CAST: variants seen among roughly 807,000 people sequenced by gnomAD.
CAST encodes MIR583 host.
In CAST, 76 loss-of-function variants were observed where a neutral mutation model predicts 119.6. The ratio of observed to expected loss-of-function variants is 0.64; its 90% CI spans 0.53 to 0.77. CAST has a LOEUF of 0.77. Ranked by LOEUF, CAST falls within the 30% of genes least tolerant of loss-of-function variation. CAST has a pLI of 0.00. For synonymous variants in CAST, 319 were observed against 331.6 expected (o/e 0.96, Z 0.41); for missense variants, 953 against 946.5 (o/e 1.01, Z -0.09).
chr5:96,508,628 G>A, the CAST span, among the ~76,000 whole-genome samples: 72 of 152,216 alleles, frequency 4.7e-4, no homozygotes, highest in Non-Finnish European at 9.3e-4. Context: ...AAGGCCCATA[G>A]ACAGTCTTAT....
At chr5:96,507,866 C>T in the CAST span, among the ~76,000 whole-genome samples, 2 of 151,972 alleles carry the variant, frequency 1.3e-5, no homozygotes, top group East Asian at 1.9e-4. Context: ...CATAGTTTAC[C>T]GTCAGTAGAA....
intron 1 of CAST, among the ~76,000 whole-genome samples, chr5:96,603,375 T>G (rs2150194515): frequency 6.6e-6 from 1 of 152,330 alleles, no homozygotes. Context: ...TCTTATAAGC[T>G]TTTTTCTATT....
At chr5:96,550,816 A>C (rs1048223534) in intron 1 of CAST, among the ~76,000 whole-genome samples, 1 of 152,240 alleles carries the variant, frequency 6.6e-6, no homozygotes, top group African/African-American at 2.4e-5. Context: ...AAAGGATATC[A>C]GTGATTGAAT....
the CAST span, among the ~76,000 whole-genome samples, chr5:96,195,851 G>A: frequency 1.3e-5 from 2 of 152,086 alleles, no homozygotes; most frequent in African/African-American, 2.4e-5. Flanking sequence ...GTTTAATATG[G>A]CATTAAATAC....
chr5:96,388,639 A>G, the CAST span, among the ~76,000 whole-genome samples: 1 of 152,192 alleles, frequency 6.6e-6, no homozygotes, highest in Admixed American at 6.5e-5. Context: ...ATTTATATGA[A>G]TGTTATAGCT....
the CAST span, among the ~76,000 whole-genome samples, chr5:96,025,378 T>C: frequency 6.6e-6 from 1 of 152,110 alleles, no homozygotes; most frequent in Non-Finnish European, 1.5e-5. Context: ...CTAATCTTAT[T>C]CATGAAAGCT....
At chr5:96,657,131 A>G (rs535173653), upstream of CAST, among the ~76,000 whole-genome samples, 5 of 152,358 alleles carry the variant, frequency 3.3e-5, no homozygotes, top group East Asian at 9.6e-4. Flanking sequence ...TTATAATCAA[A>G]CACCAAAGAG....
the CAST span, among the ~76,000 whole-genome samples, chr5:96,281,397 CTG>C: frequency 6.6e-6 from 1 of 152,152 alleles, no homozygotes; most frequent in African/African-American, 2.4e-5. Context: ...GGCAGTGTCT[CTG>C]TGTGTGGTGA....
the CAST span, among the ~76,000 whole-genome samples, chr5:96,146,033 G>A: frequency 6.6e-6 from 1 of 152,198 alleles, no homozygotes; most frequent in Non-Finnish European, 1.5e-5. Context: ...TACTGGCACA[G>A]CTTCACTTCT....
chr5:96,186,990 T>C, the CAST span, among the ~76,000 whole-genome samples: 1 of 152,162 alleles, frequency 6.6e-6, no homozygotes, highest in African/African-American at 2.4e-5. Context: ...GGGCTTCGTT[T>C]TGTTGGTAGG....
chr5:96,081,942 C>T, the CAST span, among the ~76,000 whole-genome samples: 3 of 152,192 alleles, frequency 2.0e-5, no homozygotes, highest in African/African-American at 7.2e-5. Flanking sequence ...GAGGCAGAGT[C>T]TCGCTCTGTC....
the CAST span, among the ~76,000 whole-genome samples, chr5:96,269,112 C>G: frequency 6.6e-6 from 1 of 152,116 alleles, no homozygotes. Context: ...AGCTCTTTCT[C>G]TCTCTTTTTT....
At chr5:96,287,039 T>C in the CAST span, among the ~76,000 whole-genome samples, 1 of 152,142 alleles carries the variant, frequency 6.6e-6, no homozygotes, top group African/African-American at 2.4e-5. Context: ...AAAACTCAAC[T>C]TTTTTTAAAT....
chr5:96,071,475 A>G, the CAST span, among the ~76,000 whole-genome samples: 1 of 151,996 alleles, frequency 6.6e-6, no homozygotes, highest in African/African-American at 2.4e-5. Context: ...ATTCCTAGGC[A>G]TCCTTCCTAC....
chr5:96,417,324 A>G, the CAST span, among the ~76,000 whole-genome samples: 2 of 152,222 alleles, frequency 1.3e-5, no homozygotes, highest in East Asian at 3.9e-4. Flanking sequence ...AGGACAATAT[A>G]ATTATCTTTA....
chr5:96,494,253 G>C, the CAST span, among the ~76,000 whole-genome samples: 3 of 152,070 alleles, frequency 2.0e-5, no homozygotes, highest in Non-Finnish European at 4.4e-5. Context: ...GGTAACTTGT[G>C]GTGGGTAGCT....
chr5:96,261,849 T>C, the CAST span, among the ~76,000 whole-genome samples: 7 of 152,294 alleles, frequency 4.6e-5, no homozygotes, highest in African/African-American at 1.7e-4. Context: ...GAAAGATAGG[T>C]TTTATCCAAA....
chr5:96,637,648 C>G (rs1747902674), intron 1 of CAST, among the ~76,000 whole-genome samples: 1 of 152,058 alleles, frequency 6.6e-6, no homozygotes, highest in African/African-American at 2.4e-5. Flanking sequence ...GGTAAAGATA[C>G]CTTCCCAGAA....
intron 25 of CAST, chr5:96,762,673 G>C: frequency 3.0e-6 from 1 of 329,742 alleles, no homozygotes; most frequent in Non-Finnish European, 5.5e-6. Flanking sequence ...CAAATTACTA[G>C]ATTTGAAAAG....
Sources: gnomAD v4.1 joint callset for allele counts (sites outside exome capture counted in the v4.1 genomes callset) on GRCh38, gnomAD v4.1.1 for gene constraint, MANE v1.5 for transcripts, NCBI Gene and HGNC (gene_info 2026-07-23, HGNC 2026-07-21) for gene names.